The following CPNE4 variants were observed in gnomAD, a reference collection of about 807,000 sequenced individuals.
CPNE4 encodes copine 4.
In CPNE4, 25 loss-of-function variants were observed where a neutral mutation model predicts 67.9. The observed-to-expected ratio is 0.37, with a 90% CI of 0.27 to 0.51. The LOEUF is 0.51. Among genes scored for constraint, CPNE4 ranks in the 20% least tolerant of loss-of-function variants. CPNE4 has a pLI of 0.93. For missense variants in CPNE4, 464 were observed against 690.8 expected (o/e 0.67, Z 3.68); for synonymous variants, 242 against 244.9 (o/e 0.99, Z 0.11).
chr3:131,660,755 G>C (rs1476171152), intron 7 of CPNE4, among the ~76,000 whole-genome samples: 1 of 152,172 alleles, frequency 6.6e-6, no homozygotes, highest in African/African-American at 2.4e-5. Context: ...CCCTGTGGAA[G>C]AGCCAGCCAA....
At chr3:131,701,604 C>T (rs943268566) in intron 3 of CPNE4, among the ~76,000 whole-genome samples, 1 of 152,204 alleles carries the variant, frequency 6.6e-6, no homozygotes, top group African/African-American at 2.4e-5. Flanking sequence ...GTCCTATAGA[C>T]AGACCATGTG....
At chr3:131,695,512 T>C (rs1254399486) in intron 5 of CPNE4, among the ~76,000 whole-genome samples, 1 of 152,186 alleles carries the variant, frequency 6.6e-6, no homozygotes, top group East Asian at 1.9e-4. Flanking sequence ...TTATAAGCCA[T>C]TAAGCAAGTA....
intron 2 of CPNE4, among the ~76,000 whole-genome samples, chr3:131,899,060 C>G (rs74827176): frequency 0.017 from 2,525 of 152,248 alleles, 29 homozygotes; most frequent in Middle Eastern, 0.027. Context: ...GAGAAAGAAG[C>G]TTGTCTGTGA....
At chr3:131,676,103 T>C (rs569834602) in intron 6 of CPNE4, among the ~76,000 whole-genome samples, 2 of 150,806 alleles carry the variant, frequency 1.3e-5, no homozygotes, top group Non-Finnish European at 3.0e-5. Flanking sequence ...TTGTCCAGGC[T>C]GGAATGCAGT....
At chr3:131,888,462 T>C (rs995634649) in intron 2 of CPNE4, among the ~76,000 whole-genome samples, 12 of 152,028 alleles carry the variant, frequency 7.9e-5, no homozygotes, top group Non-Finnish European at 1.5e-4. Context: ...TGAAATATAG[T>C]ATTTGAAAAC....
intron 2 of CPNE4, among the ~76,000 whole-genome samples, chr3:131,888,990 A>G (rs1281486580): frequency 6.6e-6 from 1 of 152,210 alleles, no homozygotes; most frequent in Non-Finnish European, 1.5e-5. Flanking sequence ...GTATTATCTG[A>G]TAATGTCTTT....
chr3:131,812,024 C>T (rs1025282262), intron 2 of CPNE4, among the ~76,000 whole-genome samples: 4 of 151,996 alleles, frequency 2.6e-5, no homozygotes, highest in African/African-American at 9.7e-5. Flanking sequence ...TGAAGGAGGG[C>T]TTGGAAATCA....
At chr3:131,643,530 T>A (rs989163852) in intron 7 of CPNE4, among the ~76,000 whole-genome samples, 6 of 152,150 alleles carry the variant, frequency 3.9e-5, no homozygotes, top group African/African-American at 1.4e-4. Context: ...GATTTTTGGG[T>A]TGATGCTGCA....
intron 1 of CPNE4, among the ~76,000 whole-genome samples, chr3:131,952,593 C>A (rs2071790795): frequency 3.0e-5 from 2 of 66,354 alleles, no homozygotes; most frequent in African/African-American, 5.9e-5. Flanking sequence ...CCCCGCCCGG[C>A]CAGCCGCCCC....
intron 7 of CPNE4, among the ~76,000 whole-genome samples, chr3:131,592,504 C>G (rs1938594662): frequency 6.6e-6 from 1 of 152,106 alleles, no homozygotes; most frequent in South Asian, 2.1e-4. Flanking sequence ...CTGCCATTTA[C>G]AGGTGCAATT....
At chr3:132,003,187 C>T (rs2073500192) in intron 1 of CPNE4, among the ~76,000 whole-genome samples, 1 of 152,106 alleles carries the variant, frequency 6.6e-6, no homozygotes, top group African/African-American at 2.4e-5. Flanking sequence ...TGAATGTACA[C>T]ACTACATTCA....
chr3:131,912,007 TCA>T (rs1019214881), intron 1 of CPNE4, among the ~76,000 whole-genome samples: 12 of 152,260 alleles, frequency 7.9e-5, no homozygotes, highest in Admixed American at 7.2e-4. Flanking sequence ...ACAAGTAATT[TCA>T]CACACTGCTA....
intron 7 of CPNE4, among the ~76,000 whole-genome samples, chr3:131,668,928 AG>A (rs1310435537): frequency 6.6e-6 from 1 of 152,168 alleles, no homozygotes; most frequent in Non-Finnish European, 1.5e-5. Flanking sequence ...TTCCACCAAG[AG>A]ATGTAGTCTA....
intron 7 of CPNE4, among the ~76,000 whole-genome samples, chr3:131,600,110 G>A (rs1328067044): frequency 6.6e-6 from 1 of 152,104 alleles, no homozygotes; most frequent in South Asian, 2.1e-4. Flanking sequence ...ATGTCCAGCA[G>A]CCATAGATGG....
At chr3:131,547,204 C>G (rs1242362741) in intron 14 of CPNE4, among the ~76,000 whole-genome samples, 1 of 151,936 alleles carries the variant, frequency 6.6e-6, no homozygotes, top group Non-Finnish European at 1.5e-5. Context: ...CCTATAACCC[C>G]AGAACGTTGG....
At chr3:131,741,339 T>A (rs1426483716) in intron 2 of CPNE4, among the ~76,000 whole-genome samples, 1 of 152,116 alleles carries the variant, frequency 6.6e-6, no homozygotes, top group African/African-American at 2.4e-5. Context: ...TGACGACATA[T>A]CAGGTCCACA....
At chr3:131,978,109 A>AAAATATATATAAATATATATATTTATAT (rs1560720433) in intron 1 of CPNE4, among the ~76,000 whole-genome samples, 24 of 60,382 alleles carry the variant, frequency 4.0e-4, no homozygotes, top group Admixed American at 5.3e-4. Flanking sequence ...AAATATATAT[A>AAAATATATATAAATATATATATTTATAT]AAATATATAT....
chr3:131,814,847 G>A (rs1490717700), intron 2 of CPNE4, among the ~76,000 whole-genome samples: 9 of 136,042 alleles, frequency 6.6e-5, no homozygotes, highest in Non-Finnish European at 1.3e-4. Context: ...CTCGTGATCC[G>A]CCCGCCTCGG....
intron 3 of CPNE4, among the ~76,000 whole-genome samples, chr3:131,717,994 T>C (rs1471770747): frequency 4.0e-5 from 6 of 150,964 alleles, no homozygotes; most frequent in Non-Finnish European, 8.8e-5. Flanking sequence ...TCTCTCTCTC[T>C]GTCTCTCTCT....
Sources: gnomAD v4.1 joint callset for allele counts (sites outside exome capture counted in the v4.1 genomes callset) on GRCh38, gnomAD v4.1.1 for gene constraint, MANE v1.5 for transcripts, NCBI Gene and HGNC (gene_info 2026-07-23, HGNC 2026-07-21) for gene names.